ALOX12B: variants seen among roughly 807,000 people sequenced by gnomAD.
The protein encoded by ALOX12B is arachidonate 12-lipoxygenase, 12R type.
In ALOX12B, 47 loss-of-function variants were observed where a neutral mutation model predicts 78.9. The ratio of observed to expected loss-of-function variants is 0.60; its 90% CI spans 0.47 to 0.76. ALOX12B has a LOEUF of 0.76. Among genes scored for constraint, ALOX12B ranks in the 30% least tolerant of loss-of-function variants. ALOX12B has a pLI of 0.00. For synonymous variants in ALOX12B, 370 were observed against 374.5 expected, an observed-to-expected ratio of 0.99 and a Z score of 0.14; for missense variants, 805 against 922.6, an observed-to-expected ratio of 0.87 and a Z score of 1.65.
Position 8,079,215 on chromosome 17 carries a change from T to A in ALOX12B, c.1071+181A>T, listed in dbSNP as rs143657032. ...TCCGGCAATACTGGGACATTTTATATAAGAAACTTGAGCATCTGCAGATTT... is the reference window on the plus strand; with the variant it reads ...TCCGGCAATACTGGGACATTTTATAAAAGAAACTTGAGCATCTGCAGATTT... On this transcript the variant is annotated intron_variant, in intron 8 of 14. Transcript: ENST00000647874. This position sits in a 1 kb window ranked among gnomAD's most constrained non-coding sequence, Gnocchi z 6.4. 2.9e-3 allele frequency among the ~76,000 whole-genome samples: 436 copies of A among 152,266 alleles called. 5 individuals are homozygous for A. Among genetic ancestry groups the A allele is most frequent in the African/African-American group, 9.9e-3 (413 of 41,550 alleles).
intron 8 of ALOX12B, 86 bp from the exon 9 acceptor site, chr17:8,077,279 G>T: frequency 7.4e-7 from 1 of 1,359,742 alleles, no homozygotes; most frequent in Non-Finnish European, 1.0e-6. Flanking sequence ...GCAGAAGGGA[G>T]TATGAGAAGG....
At chr17:8,083,058 T>G (rs1044537435) in intron 2 of ALOX12B, among the ~76,000 whole-genome samples, 1 of 152,192 alleles carries the variant, frequency 6.6e-6, no homozygotes, top group African/African-American at 2.4e-5. Context: ...ATACAATCTT[T>G]ATTTAACTCA....
intron 11 of ALOX12B, 129 bp downstream of exon 11, chr17:8,076,046 G>A: frequency 1.6e-6 from 2 of 1,256,616 alleles, no homozygotes; most frequent in Non-Finnish European, 2.3e-6. Context: ...CAGACCCCAG[G>A]CCCCTTCCCC....
In ALOX12B at chr17:8,080,551, T is replaced by G. The variant is rs1451694109; in HGVS notation, c.650+107A>C. The G allele has an allele frequency of 1.3e-6, 2 of 1,566,924 alleles. No individual in the cohort carries two copies. The highest frequency in any genetic ancestry group is 3.6e-5 in the Admixed American group (2 of 55,950). Reference sequence around the variant, plus strand: ...GGTCTGCGTTTCAGCTCCCTCTGCCTTCCTGGCCATTCCAACCTCTGGGGC... The same window carrying G: ...GGTCTGCGTTTCAGCTCCCTCTGCCGTCCTGGCCATTCCAACCTCTGGGGC... On this transcript the variant is annotated intron_variant, in intron 5 of 14. Coordinates refer to ENST00000647874, the MANE Select transcript of ALOX12B (RefSeq NM_001139.3). This position sits in a 1 kb window ranked among gnomAD's most constrained non-coding sequence, Gnocchi z 4.8.
chr17:8,081,995 G>A (rs1277858793), intron 2 of ALOX12B, among the ~76,000 whole-genome samples: 1 of 152,128 alleles, frequency 6.6e-6, no homozygotes, highest in African/African-American at 2.4e-5. Context: ...TTCGGTATTT[G>A]ACTTTCTGGT....
intron 12 of ALOX12B, among the ~76,000 whole-genome samples, chr17:8,074,411 G>A (rs1228047522): frequency 1.3e-5 from 2 of 151,838 alleles, no homozygotes; most frequent in African/African-American, 2.4e-5. Flanking sequence ...CCTACATCAC[G>A]TATCCAGTTG....
intron 8 of ALOX12B, among the ~76,000 whole-genome samples, chr17:8,078,013 T>C (rs1053125002): frequency 2.6e-5 from 4 of 152,222 alleles, no homozygotes; most frequent in Admixed American, 6.5e-5. Flanking sequence ...TTTTTTTCCT[T>C]GTCATTCCCT....
intron 12 of ALOX12B, among the ~76,000 whole-genome samples, chr17:8,075,003 C>T (rs1051585724): frequency 3.3e-5 from 5 of 152,236 alleles, no homozygotes; most frequent in Non-Finnish European, 2.9e-5. Flanking sequence ...TCCACTACCC[C>T]TTCCCAAAGT....
In ALOX12B at chr17:8,079,130, C is replaced by T. The variant is rs1268186146; in HGVS notation, c.1071+266G>A. Among the ~76,000 whole-genome samples, 2 of 152,218 alleles carry T rather than the reference C, an allele frequency of 1.3e-5. No individual in the cohort carries two copies. Among genetic ancestry groups the T allele is most frequent in the Middle Eastern group, 3.4e-3 (1 of 294 alleles). On this transcript the variant is annotated intron_variant, in intron 8 of 14. Transcript: ENST00000647874. The surrounding 1 kb of genome is among the most constrained non-coding windows in gnomAD (Gnocchi z 6.4). Reference sequence around the variant, plus strand: ...GCCAGGATGGTCTCGATCTCCTGACCTCGTGATCCGCCCGCCTCGGCCTCC... The same window carrying T: ...GCCAGGATGGTCTCGATCTCCTGACTTCGTGATCCGCCCGCCTCGGCCTCC...
At chr17:8,074,246 T>TC (rs371974060) in intron 12 of ALOX12B, among the ~76,000 whole-genome samples, 2 of 152,172 alleles carry the variant, frequency 1.3e-5, no homozygotes, top group African/African-American at 4.8e-5. Context: ...TTTCCTGTTG[T>TC]CCCGTGTGAA....
rs1375585039 is a variant in ALOX12B at position 8,080,886 on chromosome 17, AG to A, written c.524del (p.Pro175LeufsTer22). Reference protein sequence around the residue: ...PVRRHRNPNRPEWNGYIPGFP... With the variant: ...PVRRHRNPNRXEWNGYIPGFP... ...CCAGCACAGCTTCGGGTCCTTACTCAGGCCGGTTGGGGTTGCGATGCCTCCG... is the reference window on the plus strand; with the variant it reads ...CCAGCACAGCTTCGGGTCCTTACTCAGCCGGTTGGGGTTGCGATGCCTCCG... On this transcript the variant is annotated frameshift_variant, in exon 4 of 15. Transcript: ENST00000647874. LOFTEE classifies it high-confidence loss of function. The surrounding 1 kb of genome is among the most constrained non-coding windows in gnomAD (Gnocchi z 4.8). The A allele has an allele frequency of 6.2e-7, 1 of 1,613,886 alleles. No individual in the cohort carries two copies. The highest frequency in any genetic ancestry group is 8.5e-7 in the Non-Finnish European group (1 of 1,179,994).
chr17:8,076,276 G>A lies in ALOX12B; in HGVS notation c.1431C>T (p.Asp477=), dbSNP rs778803243. 39 of 1,614,054 alleles carry A rather than the reference G, an allele frequency of 2.4e-5. 1 individual carries two copies. Among genetic ancestry groups the A allele is most frequent in the South Asian group, 3.3e-5 (3 of 91,054 alleles). ...MVRALSELTY[D]SLYLPNDFVE... is the part of the protein sequence containing the mutation. ...CAAAGTCATTGGGGAGGTAGAGGCTGTCATAGGTGAGCTCCGACAGAGCCC... is the reference window on the plus strand; with the variant it reads ...CAAAGTCATTGGGGAGGTAGAGGCTATCATAGGTGAGCTCCGACAGAGCCC... The change falls in exon 11 of 15, where the codon GAC becomes GAT. Residue 477 remains aspartate, a synonymous_variant. Coordinates refer to ENST00000647874, the MANE Select transcript of ALOX12B (RefSeq NM_001139.3).
intron 2 of ALOX12B, among the ~76,000 whole-genome samples, chr17:8,082,045 C>T (rs529554467): frequency 5.3e-5 from 8 of 152,164 alleles, no homozygotes; most frequent in Non-Finnish European, 8.8e-5. Flanking sequence ...CTAGTTCCAT[C>T]CATGTTGCTG....
At chr17:8,085,690 G>C (rs3027301) in intron 2 of ALOX12B, among the ~76,000 whole-genome samples, 1 of 152,002 alleles carries the variant, frequency 6.6e-6, no homozygotes, top group Non-Finnish European at 1.5e-5. Context: ...TATTTTTAAC[G>C]TGGCCGGGCA....
rs908353649 is a variant in ALOX12B at position 8,079,119 on chromosome 17, G to C, written c.1071+277C>G. 3.3e-5 allele frequency among the ~76,000 whole-genome samples: 5 copies of C among 151,762 alleles called. No individual in the cohort carries two copies. Among genetic ancestry groups the C allele is most frequent in the Admixed American group, 6.6e-5 (1 of 15,240 alleles). ...TCACCGTGTTAGCCAGGATGGTCTC[G>C]ATCTCCTGACCTCGTGATCCGCCCG... On this transcript the variant is annotated intron_variant, in intron 8 of 14. Coordinates refer to ENST00000647874, the MANE Select transcript of ALOX12B (RefSeq NM_001139.3). This position sits in a 1 kb window ranked among gnomAD's most constrained non-coding sequence, Gnocchi z 6.4.
chr17:8,086,285 C>T, intron 1 of ALOX12B, 65 bp from the exon 2 acceptor site: 2 of 1,518,958 alleles, frequency 1.3e-6, no homozygotes, highest in Non-Finnish European at 9.0e-7. Flanking sequence ...CCGCCCACCC[C>T]TCTGGCCCCT....
At chr17:8,074,298 T>C (rs559833233) in intron 12 of ALOX12B, among the ~76,000 whole-genome samples, 2 of 152,322 alleles carry the variant, frequency 1.3e-5, no homozygotes, top group African/African-American at 4.8e-5. Flanking sequence ...TGTGTCCTGG[T>C]TGCCATGGTG....
rs778912490 is a variant in ALOX12B at position 8,073,198 on chromosome 17, A to C, written c.1876T>G (p.Cys626Gly). Residue 626 changes from cysteine (C) to glycine (G), a missense_variant, in exon 14 of 15, where the codon TGC (cysteine) becomes GGC (glycine). Cys to Gly is a radical substitution (Grantham distance 159). Transcript: ENST00000647874. Reference protein sequence around the residue: ...MDTLPDVKTTCITLLVLWTLS... With the variant: ...MDTLPDVKTTGITLLVLWTLS... ...GTCCAGAGCACCAGCAGCGTGATGC[A>C]CGTGGTCTTCACATCCGGCAACGTG... 1.2e-6 allele frequency: 2 copies of C among 1,614,052 alleles called. No homozygotes were observed. Among genetic ancestry groups the C allele is most frequent in the Non-Finnish European group, 1.7e-6 (2 of 1,180,042 alleles).
chr17:8,078,443 C>T (rs1332669830), intron 8 of ALOX12B, among the ~76,000 whole-genome samples: 1 of 151,824 alleles, frequency 6.6e-6, no homozygotes, highest in Admixed American at 6.6e-5. Flanking sequence ...AGCCACCACA[C>T]CGGGCCTAGA....
Sources: allele counts gnomAD v4.1 joint callset (sites outside exome capture counted in the v4.1 genomes callset), GRCh38; gene constraint gnomAD v4.1.1; non-coding constraint Gnocchi (gnomAD v3.1); transcripts MANE v1.5; gene names NCBI Gene and HGNC (gene_info 2026-07-23, HGNC 2026-07-21).